The following GALNTL6 variants were observed in gnomAD, a reference collection of about 807,000 sequenced individuals.
GALNTL6 encodes the protein polypeptide N-acetylgalactosaminyltransferase like 6.
In GALNTL6, 46 loss-of-function variants were observed where a neutral mutation model predicts 73.7. That is an observed-to-expected ratio of 0.62 (90% CI 0.49 to 0.80). The LOEUF (loss-of-function observed/expected upper bound fraction) is 0.80. Ranked by LOEUF, GALNTL6 falls within the 30% of genes least tolerant of loss-of-function variation. GALNTL6 has a pLI of 0.00. For missense variants in GALNTL6, 604 were observed against 755.0 expected (o/e 0.80, Z 2.34); for synonymous variants, 259 against 263.7 (o/e 0.98, Z 0.17).
chr4:172,372,101 T>G (rs987930587), intron 5 of GALNTL6, among the ~76,000 whole-genome samples: 12 of 152,180 alleles, frequency 7.9e-5, no homozygotes, highest in African/African-American at 2.9e-4. Context: ...TCAAGTATGG[T>G]TACATCACTA....
chr4:172,032,600 T>C (rs1741802272), intron 2 of GALNTL6, among the ~76,000 whole-genome samples: 1 of 152,020 alleles, frequency 6.6e-6, no homozygotes, highest in African/African-American at 2.4e-5. Context: ...TCTAACTCAT[T>C]CATATTGTTA....
chr4:173,007,242 T>C (rs1359416519), intron 10 of GALNTL6, among the ~76,000 whole-genome samples: 1 of 152,178 alleles, frequency 6.6e-6, no homozygotes, highest in Non-Finnish European at 1.5e-5. Flanking sequence ...TATTCTTCTG[T>C]TGCAGAGACT....
chr4:172,193,449 G>C (rs1326949599), intron 2 of GALNTL6, among the ~76,000 whole-genome samples: 1 of 152,112 alleles, frequency 6.6e-6, no homozygotes, highest in Admixed American at 6.6e-5. Context: ...GGGCCTTACT[G>C]TTAAAAGAAA....
At chr4:171,926,992 T>C (rs1350012806) in intron 2 of GALNTL6, among the ~76,000 whole-genome samples, 1 of 152,126 alleles carries the variant, frequency 6.6e-6, no homozygotes, top group African/African-American at 2.4e-5. Context: ...CTCATATTTC[T>C]TTTAGAATGT....
At chr4:171,931,346 C>T (rs76884412) in intron 2 of GALNTL6, among the ~76,000 whole-genome samples, 3 of 152,060 alleles carry the variant, frequency 2.0e-5, no homozygotes, top group Admixed American at 6.6e-5. Context: ...CACAACCGGC[C>T]CAGCTTTCAC....
intron 8 of GALNTL6, among the ~76,000 whole-genome samples, chr4:172,892,447 G>A (rs1046345463): frequency 3.9e-5 from 6 of 152,080 alleles, no homozygotes; most frequent in Non-Finnish European, 7.4e-5. Flanking sequence ...CCTGCTTTGG[G>A]TTTCACAGGT....
intron 5 of GALNTL6, among the ~76,000 whole-genome samples, chr4:172,677,346 G>A (rs1732362282): frequency 6.6e-6 from 1 of 152,084 alleles, no homozygotes; most frequent in Admixed American, 6.6e-5. Flanking sequence ...ATTTGTAATA[G>A]CACTTACTAC....
chr4:172,179,744 T>A (rs2110849555), intron 2 of GALNTL6, among the ~76,000 whole-genome samples: 1 of 152,046 alleles, frequency 6.6e-6, no homozygotes, highest in East Asian at 1.9e-4. Context: ...GCCTATGTCC[T>A]GAATGGTCAT....
At position 172,552,887 on chromosome 4, in the gene GALNTL6, C is replaced by T. The variant is rs185955832; in HGVS notation, c.553+204198C>T. Among the ~76,000 whole-genome samples, 363 of 137,556 alleles carry T rather than the reference C, an allele frequency of 2.6e-3. 1 individual carries two copies. The highest frequency in any genetic ancestry group is 9.4e-3 in the African/African-American group (339 of 36,124). 90.2% of individuals were successfully genotyped at this position (137,556 alleles called of 152,430 possible). On this transcript the variant is annotated intron_variant, in intron 5 of 12. Coordinates refer to ENST00000506823, the MANE Select transcript of GALNTL6 (RefSeq NM_001034845.3). ...AAAACCGCAATTACTTTTGCACCAA[C>T]CTAATAACTCTCAGATGTTCTTAAA...
chr4:173,022,030 A>AAG (rs1753012783), intron 12 of GALNTL6, among the ~76,000 whole-genome samples: 1 of 69,156 alleles, frequency 1.4e-5, no homozygotes, highest in Non-Finnish European at 2.7e-5. Context: ...AAGGAAGGAA[A>AAG]GAAGGAAGGA....
chr4:172,126,557 G>T (rs1462624184), intron 2 of GALNTL6, among the ~76,000 whole-genome samples: 1 of 152,140 alleles, frequency 6.6e-6, no homozygotes, highest in Non-Finnish European at 1.5e-5. Context: ...GCCTGGAGCG[G>T]CTCCCCAGTG....
intron 5 of GALNTL6, among the ~76,000 whole-genome samples, chr4:172,805,576 A>T (rs1014086281): frequency 1.3e-4 from 20 of 152,196 alleles, no homozygotes; most frequent in African/African-American, 4.6e-4. Context: ...CAAAAAAATT[A>T]TACAGAGTTT....
intron 3 of GALNTL6, among the ~76,000 whole-genome samples, chr4:172,262,260 C>G (rs1207690040): frequency 1.3e-5 from 2 of 151,352 alleles, no homozygotes; most frequent in Non-Finnish European, 3.0e-5. Flanking sequence ...TGCCATCTAT[C>G]TCATTTCTTA....
intron 2 of GALNTL6, among the ~76,000 whole-genome samples, chr4:172,145,332 T>G (rs147234305): frequency 0.072 from 10,994 of 152,000 alleles, 378 homozygotes; most frequent in South Asian, 0.13. Context: ...AGTAGAGATG[T>G]GGTTTCACCG....
chr4:172,240,963 T>C (rs1012782955), intron 3 of GALNTL6, among the ~76,000 whole-genome samples: 3 of 152,236 alleles, frequency 2.0e-5, no homozygotes, highest in African/African-American at 7.2e-5. Context: ...TTTTCACCTG[T>C]GTGGGCTGAT....
rs77828316 is a variant in GALNTL6 at position 171,912,139 on chromosome 4, G to A, written c.138+97421G>A. Among the ~76,000 whole-genome samples, 4 of 152,064 alleles carry A rather than the reference G, an allele frequency of 2.6e-5. No individual in the cohort carries two copies. The East Asian group carries it at 7.7e-4, about 29-fold the overall frequency. ...GTTTATTAATAGGACAATCACTAAA[G>A]GAAATTAAAGAAAATAATCAATGAT... On this transcript the variant is annotated intron_variant, in intron 2 of 12. Transcript: ENST00000506823.
At chr4:172,187,153 A>G (rs960749419) in intron 2 of GALNTL6, among the ~76,000 whole-genome samples, 2 of 152,116 alleles carry the variant, frequency 1.3e-5, no homozygotes, top group African/African-American at 4.8e-5. Flanking sequence ...ACAACCTTTT[A>G]TATTAAGCAA....
intron 9 of GALNTL6, among the ~76,000 whole-genome samples, chr4:172,941,635 T>G (rs1748927233): frequency 6.6e-6 from 1 of 152,208 alleles, no homozygotes; most frequent in Non-Finnish European, 1.5e-5. Context: ...TTCCCTGTAT[T>G]CACAATTCCA....
intron 5 of GALNTL6, among the ~76,000 whole-genome samples, chr4:172,705,591 C>T (rs1734301555): frequency 6.6e-6 from 1 of 151,698 alleles, no homozygotes; most frequent in Non-Finnish European, 1.5e-5. Flanking sequence ...GATTTTTATA[C>T]TTCAGGTGGA....
Sources: allele counts gnomAD v4.1 joint callset (sites outside exome capture counted in the v4.1 genomes callset), GRCh38; gene constraint gnomAD v4.1.1; transcripts MANE v1.5; gene names NCBI Gene and HGNC (gene_info 2026-07-23, HGNC 2026-07-21).